GRIN2B: variants seen among roughly 807,000 people sequenced by gnomAD.
GRIN2B encodes the protein glutamate ionotropic receptor NMDA type subunit 2B, also known as glutamate receptor ionotropic, NMDA 2B.
GRIN2B carries 5 observed loss-of-function variants against 114.5 expected under a neutral mutation model. The ratio of observed to expected loss-of-function variants is 0.04; its 90% CI spans 0.02 to 0.09. GRIN2B has a LOEUF of 0.09. Ranked by LOEUF, GRIN2B falls within the 10% of genes least tolerant of loss-of-function variation. GRIN2B has a pLI of 1.00. For synonymous variants in GRIN2B, 787 were observed against 745.1 expected, an observed-to-expected ratio of 1.06 and a Z score of -0.92; for missense variants, 1,108 against 1,943.5, an observed-to-expected ratio of 0.57 and a Z score of 8.08.
At chr12:13,833,975 C>CAGAAA in intron 3 of GRIN2B, among the ~76,000 whole-genome samples, 1 of 147,412 alleles carries the variant, frequency 6.8e-6, no homozygotes, top group Admixed American at 6.8e-5. Flanking sequence ...CCACTGCCTA[C>CAGAAA]AGAAAAGGTG....
At chr12:13,616,729 C>T in intron 5 of GRIN2B, 72 bp from the exon 6 acceptor site, 2 of 1,244,404 alleles carry the variant, frequency 1.6e-6, no homozygotes, top group Non-Finnish European at 1.2e-6. Context: ...CCAGTATTGT[C>T]TGAACAATCC....
intron 2 of GRIN2B, among the ~76,000 whole-genome samples, chr12:13,922,596 A>C (rs1347851966): frequency 1.3e-5 from 2 of 152,242 alleles, no homozygotes; most frequent in African/African-American, 2.4e-5. Flanking sequence ...ACACAGGCAG[A>C]GGAATGCCTG....
At chr12:13,832,651 AT>A (rs1420900799) in intron 3 of GRIN2B, among the ~76,000 whole-genome samples, 19 of 152,208 alleles carry the variant, frequency 1.2e-4, no homozygotes, top group African/African-American at 4.3e-4. Flanking sequence ...CTATAACATG[AT>A]TTTTAATGGT....
In GRIN2B at chr12:13,764,314, C is replaced by G. The variant is rs912961219; in HGVS notation, c.412-10399G>C. On this transcript the variant is annotated intron_variant, in intron 3 of 13. Coordinates refer to ENST00000609686, the MANE Select transcript of GRIN2B (RefSeq NM_000834.5). ...GACTTACCAGTACTAATCCTGTCAA[C>G]ATTCCTGGAGCCCATCTTGTCCCTC... Among the ~76,000 whole-genome samples, 22 of 152,178 alleles carry G rather than the reference C, an allele frequency of 1.4e-4. 1 individual carries two copies. Among genetic ancestry groups the G allele is most frequent in the Non-Finnish European group, 1.0e-4 (7 of 68,034 alleles).
chr12:13,784,271 T>C (rs1864182991), intron 3 of GRIN2B, among the ~76,000 whole-genome samples: 1 of 146,118 alleles, frequency 6.8e-6, no homozygotes, highest in South Asian at 2.2e-4. Context: ...CCCTTTGCTG[T>C]CATAGCTATC....
At chr12:13,603,239 A>G (rs1460787628) in intron 10 of GRIN2B, among the ~76,000 whole-genome samples, 1 of 152,258 alleles carries the variant, frequency 6.6e-6, no homozygotes, top group African/African-American at 2.4e-5. Flanking sequence ...CAAATGTTAC[A>G]ATACTATCTA....
Position 13,552,016 on chromosome 12 carries a change from G to C in GRIN2B, c.*10767C>G, listed in dbSNP as rs777348168. On this transcript the variant is annotated 3_prime_UTR_variant, in exon 14 of 14. Transcript: ENST00000609686. The stretch of plus-strand genomic sequence containing the variant: ...GGAAACAGGTAATATACTTATCCTA[G>C]AGGAGCAGGCAGCTCAACAAATTCG... The C allele has an allele frequency of 3.3e-5, 5 of 152,082 alleles. No individual in the cohort carries two copies. The highest frequency in any genetic ancestry group is 7.3e-5 in the Non-Finnish European group (5 of 68,034). The allele number at this position is 152,082 out of a possible 1,614,324, so 9.4% of individuals were successfully genotyped here.
At chr12:13,923,537 G>A (rs878881042) in intron 2 of GRIN2B, among the ~76,000 whole-genome samples, 2 of 152,176 alleles carry the variant, frequency 1.3e-5, no homozygotes, top group Admixed American at 1.3e-4. Context: ...CATTGTCTGA[G>A]TTATTAAGTA....
At chr12:13,598,594 G>T (rs778221523) in intron 10 of GRIN2B, among the ~76,000 whole-genome samples, 1 of 152,022 alleles carries the variant, frequency 6.6e-6, no homozygotes, top group Non-Finnish European at 1.5e-5. Context: ...ACAGAAAAAA[G>T]AATTCCACAG....
intron 2 of GRIN2B, among the ~76,000 whole-genome samples, chr12:13,894,917 T>C (rs1866329650): frequency 6.6e-6 from 1 of 152,184 alleles, no homozygotes; most frequent in Non-Finnish European, 1.5e-5. Context: ...CAGTCTTGAC[T>C]GAAAGGAACC....
At chr12:13,803,371 G>A (rs962573361) in intron 3 of GRIN2B, among the ~76,000 whole-genome samples, 7 of 152,044 alleles carry the variant, frequency 4.6e-5, no homozygotes, top group Non-Finnish European at 8.8e-5. Flanking sequence ...CCTGTCACAT[G>A]CCAGGTACTG....
Position 13,541,801 on chromosome 12 carries a change from TG to T in GRIN2B, c.*20981del, listed in dbSNP as rs1468894194. 6.6e-6 allele frequency: 1 copy of T among 152,192 alleles called. No homozygotes were observed. Among genetic ancestry groups the T allele is most frequent in the Admixed American group, 6.5e-5 (1 of 15,284 alleles). 9.4% of individuals were successfully genotyped at this position (152,192 alleles called of 1,614,324 possible). A position where few individuals can be genotyped will look rare whatever the true frequency, so the allele number is the denominator to read the frequency against. On this transcript the variant is annotated 3_prime_UTR_variant, in exon 14 of 14. Transcript: ENST00000609686. ...GTTTGGAAAAATAGTTCACTAGAAA[TG>T]GCCTAACAGTTTCTCTTCTCAAATT...
intron 4 of GRIN2B, among the ~76,000 whole-genome samples, chr12:13,709,073 C>G (rs1418859803): frequency 6.6e-6 from 1 of 151,930 alleles, no homozygotes; most frequent in East Asian, 1.9e-4. Flanking sequence ...TGAACACATG[C>G]CAATTTTTTT....
intron 10 of GRIN2B, among the ~76,000 whole-genome samples, chr12:13,595,419 T>C (rs1333352916): frequency 6.6e-6 from 1 of 152,184 alleles, no homozygotes; most frequent in Non-Finnish European, 1.5e-5. Context: ...AATGTACTTA[T>C]GGTTGTCAGA....
intron 5 of GRIN2B, among the ~76,000 whole-genome samples, chr12:13,654,731 CT>C (rs1232143871): frequency 6.6e-6 from 1 of 152,118 alleles, no homozygotes; most frequent in African/African-American, 2.4e-5. Context: ...GTGTGTTTTG[CT>C]CTTCTCAGGT....
chr12:13,563,967 T>C lies in GRIN2B; in HGVS notation c.3271A>G (p.Lys1091Glu). 1 of 1,614,212 alleles carries C rather than the reference T, an allele frequency of 6.2e-7. No homozygotes were observed. Among genetic ancestry groups the C allele is most frequent in the Non-Finnish European group, 8.5e-7 (1 of 1,180,032 alleles). The change falls in exon 14 of 14, where the codon AAG (lysine) becomes GAG (glutamate). Residue 1091 changes from lysine (K) to glutamate (E), a missense_variant. Lys to Glu is a moderately conservative substitution (Grantham distance 56, BLOSUM62 1). Coordinates refer to ENST00000609686, the MANE Select transcript of GRIN2B (RefSeq NM_000834.5). Reference protein sequence around the residue: ...RKQQYKDSLKKRPASAKSRRE... With the variant: ...RKQQYKDSLKERPASAKSRRE... Reference sequence around the variant, plus strand: ...CGGGACTTGGCCGAGGCAGGCCGCTTCTTCAGGCTGTCCTTATATTGCTGC... The same window carrying C: ...CGGGACTTGGCCGAGGCAGGCCGCTCCTTCAGGCTGTCCTTATATTGCTGC...
At chr12:13,921,581 T>C (rs1866824811) in intron 2 of GRIN2B, among the ~76,000 whole-genome samples, 1 of 152,164 alleles carries the variant, frequency 6.6e-6, no homozygotes, top group African/African-American at 2.4e-5. Context: ...TCTTTCTCTC[T>C]ATATGTCTAT....
chr12:13,665,805 T>A (rs542540480), intron 5 of GRIN2B, among the ~76,000 whole-genome samples: 1 of 152,326 alleles, frequency 6.6e-6, no homozygotes, highest in Non-Finnish European at 1.5e-5. Context: ...CAGGCTAGAC[T>A]GTCTGATCAT....
intron 4 of GRIN2B, among the ~76,000 whole-genome samples, chr12:13,688,858 A>T (rs1222575420): frequency 6.6e-6 from 1 of 152,182 alleles, no homozygotes; most frequent in East Asian, 1.9e-4. Flanking sequence ...TTCACTTATG[A>T]TCTGGACAAT....
Sources: gnomAD v4.1 joint callset for allele counts (sites outside exome capture counted in the v4.1 genomes callset) on GRCh38, gnomAD v4.1.1 for gene constraint, MANE v1.5 for transcripts, NCBI Gene and HGNC (gene_info 2026-07-23, HGNC 2026-07-21) for gene names.